DIP2B: variants seen among roughly 807,000 people sequenced by gnomAD.
DIP2B encodes the protein DIP2 acetate--CoA ligase B (putative).
A neutral mutation model predicts 198.0 loss-of-function variants in DIP2B; 76 were observed. The observed-to-expected ratio is 0.38, with a 90% CI of 0.32 to 0.46. The LOEUF is 0.46. Ranked by LOEUF, DIP2B falls within the 20% of genes least tolerant of loss-of-function variation. The pLI, the probability that DIP2B is intolerant of heterozygous loss-of-function variation, is 0.99. For synonymous variants in DIP2B, 701 were observed against 739.1 expected (o/e 0.95, Z 0.84); for missense variants, 1,559 against 1,978.4 (o/e 0.79, Z 4.02).
At position 50,563,054 on chromosome 12, in the gene DIP2B, A is replaced by G. The variant is rs186810077; in HGVS notation, c.100+57814A>G. 3.0e-4 allele frequency among the ~76,000 whole-genome samples: 46 copies of G among 152,314 alleles called. 1 individual carries two copies. Among genetic ancestry groups the G allele is most frequent in the Admixed American group, 5.9e-4 (9 of 15,294 alleles). On this transcript the variant is annotated intron_variant, in intron 1 of 37. Transcript: ENST00000301180. Reference sequence around the variant, plus strand: ...GCTAAAAGTTTGAAGATTATTAACCACAGCTTGACTTACTCATGGAACCAA... The same window carrying G: ...GCTAAAAGTTTGAAGATTATTAACCGCAGCTTGACTTACTCATGGAACCAA...
intron 1 of DIP2B, among the ~76,000 whole-genome samples, chr12:50,533,985 T>C (rs1400724165): frequency 6.6e-6 from 1 of 152,200 alleles, no homozygotes; most frequent in Non-Finnish European, 1.5e-5. Flanking sequence ...ATTTGAGGTA[T>C]GATAGTTGGA....
chr12:50,719,609 A>AGG (rs758365057), intron 25 of DIP2B, among the ~76,000 whole-genome samples: 2 of 152,256 alleles, frequency 1.3e-5, no homozygotes, highest in South Asian at 4.1e-4. Context: ...TGGGAGGCCA[A>AGG]GGCGGGTGGA....
chr12:50,536,758 G>T (rs1430538082), intron 1 of DIP2B, among the ~76,000 whole-genome samples: 1 of 151,650 alleles, frequency 6.6e-6, no homozygotes, highest in South Asian at 2.1e-4. Context: ...TGGTAGAGAC[G>T]GTGTTTCTCC....
At chr12:50,646,966 T>TA (rs1035968369) in intron 3 of DIP2B, among the ~76,000 whole-genome samples, 3 of 151,326 alleles carry the variant, frequency 2.0e-5, no homozygotes, top group Non-Finnish European at 4.4e-5. Context: ...AGACTTCCTA[T>TA]ATTTTGAGAA....
At chr12:50,643,723 C>T (rs79475254) in intron 3 of DIP2B, among the ~76,000 whole-genome samples, 3,479 of 152,094 alleles carry the variant, frequency 0.023, 133 homozygotes, top group African/African-American at 0.079. Flanking sequence ...AAGAAATCAG[C>T]AGGGGTGGCT....
At chr12:50,721,242 T>C in intron 25 of DIP2B, 31 bp from the exon 26 acceptor site, 1 of 1,608,490 alleles carries the variant, frequency 6.2e-7, no homozygotes, top group Middle Eastern at 1.7e-4. Flanking sequence ...TTTCTGAGCT[T>C]TGACCCGCTT....
chr12:50,668,088 A>T (rs988177636), intron 4 of DIP2B, among the ~76,000 whole-genome samples: 4 of 151,988 alleles, frequency 2.6e-5, no homozygotes, highest in African/African-American at 9.7e-5. Context: ...GTCCCCTCCA[A>T]GCTTTCTCGC....
At chr12:50,612,182 G>A (rs73307170) in intron 1 of DIP2B, among the ~76,000 whole-genome samples, 3,833 of 152,152 alleles carry the variant, frequency 0.025, 150 homozygotes, top group African/African-American at 0.088. Context: ...AATGGGTCAA[G>A]GCTGCAGTGA....
At chr12:50,568,439 G>C (rs1004806896) in intron 1 of DIP2B, among the ~76,000 whole-genome samples, 24 of 152,180 alleles carry the variant, frequency 1.6e-4, no homozygotes, top group African/African-American at 5.5e-4. Flanking sequence ...AGGGTATTTA[G>C]CCTGTACTTT....
intron 7 of DIP2B, among the ~76,000 whole-genome samples, chr12:50,676,755 T>C (rs1030055831): frequency 2.6e-5 from 4 of 152,250 alleles, no homozygotes; most frequent in Non-Finnish European, 5.9e-5. Context: ...TGAAGCCTAA[T>C]GGATAATGGC....
chr12:50,686,491 T>A (rs1477579085), intron 11 of DIP2B, 82 bp from the exon 12 acceptor site: 3 of 1,202,410 alleles, frequency 2.5e-6, no homozygotes, highest in Non-Finnish European at 3.5e-6. Context: ...TTTGGTCTCT[T>A]GATATTTAAA....
At chr12:50,623,685 C>A (rs960516514) in intron 1 of DIP2B, among the ~76,000 whole-genome samples, 3 of 152,078 alleles carry the variant, frequency 2.0e-5, no homozygotes, top group Non-Finnish European at 2.9e-5. Context: ...ACCTACTGTT[C>A]TGCAGCTTGC....
intron 1 of DIP2B, among the ~76,000 whole-genome samples, chr12:50,623,425 ACACACACACACACTCT>A (rs1383005292): frequency 0.02 from 1,052 of 52,758 alleles, 11 homozygotes; most frequent in African/African-American, 0.057. Flanking sequence ...ACACACACAC[ACACACACACACACTCT>A]CTCTCTCTCT....
At chr12:50,692,257 G>A (rs926173925) in intron 13 of DIP2B, among the ~76,000 whole-genome samples, 4 of 151,732 alleles carry the variant, frequency 2.6e-5, no homozygotes, top group African/African-American at 9.7e-5. Flanking sequence ...AAGTATATGT[G>A]TGTGTATAGA....
intron 1 of DIP2B, among the ~76,000 whole-genome samples, chr12:50,576,216 C>T (rs559408577): frequency 6.6e-6 from 1 of 151,496 alleles, no homozygotes; most frequent in African/African-American, 2.4e-5. Flanking sequence ...ATTACAGGCA[C>T]GTGCCACCAT....
rs35373628 is a variant in DIP2B, at chr12:50,702,734, TAAAAAAAAAAA to T, written c.2326-1392_2326-1382del. ...GGCAACATAGTGAGACCTCATCTCT[TAAAAAAAAAAA>T]AAAAAAAAAAAAAGGAGGGGTGGGG... On this transcript the variant is annotated intron_variant, in intron 19 of 37. Coordinates refer to ENST00000301180, the MANE Select transcript of DIP2B (RefSeq NM_173602.3). 1.3e-3 allele frequency among the ~76,000 whole-genome samples: 54 copies of T among 40,618 alleles called. 3 individuals are homozygous for T. The highest frequency in any genetic ancestry group is 6.0e-3 in the African/African-American group (50 of 8,370). 26.6% of individuals were successfully genotyped at this position (40,618 alleles called of 152,430 possible). A position where few individuals can be genotyped will look rare whatever the true frequency, so the allele number is the denominator to read the frequency against.
At chr12:50,533,887 G>A (rs1417799426) in intron 1 of DIP2B, among the ~76,000 whole-genome samples, 5 of 152,096 alleles carry the variant, frequency 3.3e-5, no homozygotes, top group African/African-American at 4.8e-5. Context: ...ACTGAGCCGG[G>A]CCTAACTTTA....
chr12:50,527,668 C>T (rs1035609914), intron 1 of DIP2B, among the ~76,000 whole-genome samples: 2 of 152,034 alleles, frequency 1.3e-5, no homozygotes, highest in Admixed American at 1.3e-4. Context: ...TATGATCGTG[C>T]CACTACACTC....
chr12:50,654,291 T>A (rs1256079448), intron 3 of DIP2B, among the ~76,000 whole-genome samples: 1 of 151,804 alleles, frequency 6.6e-6, no homozygotes, highest in Non-Finnish European at 1.5e-5. Context: ...TTGCATGGTT[T>A]AAAAAAAGCC....
Sources: allele counts gnomAD v4.1 joint callset (sites outside exome capture counted in the v4.1 genomes callset), GRCh38; gene constraint gnomAD v4.1.1; transcripts MANE v1.5; gene names NCBI Gene and HGNC (gene_info 2026-07-23, HGNC 2026-07-21).